The following DLC1 variants were observed in gnomAD, a reference collection of about 807,000 sequenced individuals.
The protein encoded by DLC1 is DLC1 Rho GTPase activating protein, also known as rho GTPase-activating protein 7.
DLC1 carries 54 observed loss-of-function variants against 140.3 expected under a neutral mutation model. That is an observed-to-expected ratio of 0.38 (90% confidence interval 0.31 to 0.48). The LOEUF is 0.48. Among genes scored for constraint, DLC1 ranks in the 20% least tolerant of loss-of-function variants. The probability of loss-of-function intolerance (pLI) is 0.96; values close to 1 mark genes in which losing one functional copy is unlikely to be tolerated. For synonymous variants in DLC1, 986 were observed against 728.1 expected (o/e 1.35, Z -5.70); for missense variants, 2,536 against 1,907.0 (o/e 1.33, Z -6.14).
intron 5 of DLC1, among the ~76,000 whole-genome samples, chr8:13,275,175 A>T (rs1445642913): frequency 6.6e-6 from 1 of 152,226 alleles, no homozygotes; most frequent in African/African-American, 2.4e-5. Context: ...TTTCATGTGC[A>T]TTCAGAACAA....
chr8:13,085,962 A>G (rs1221675956), intron 17 of DLC1, 31 bp from the exon 18 acceptor site: 1 of 1,609,226 alleles, frequency 6.2e-7, no homozygotes, highest in Non-Finnish European at 8.5e-7. Flanking sequence ...AAGCTGATGA[A>G]TTATTTAAGT....
intron 5 of DLC1, among the ~76,000 whole-genome samples, chr8:13,166,984 G>A (rs1377373271): frequency 6.6e-6 from 1 of 152,044 alleles, no homozygotes; most frequent in Non-Finnish European, 1.5e-5. Context: ...TGAAGCAAGC[G>A]GGGTTAGAAA....
chr8:13,381,388 C>T (rs541054978), intron 4 of DLC1, among the ~76,000 whole-genome samples: 122 of 152,310 alleles, frequency 8.0e-4, no homozygotes, highest in Non-Finnish European at 1.5e-3. Flanking sequence ...GGTAGCTAAT[C>T]TGCAATACAT....
At chr8:13,394,766 AT>A (rs1374797339) in intron 3 of DLC1, among the ~76,000 whole-genome samples, 1 of 151,972 alleles carries the variant, frequency 6.6e-6, no homozygotes, top group Non-Finnish European at 1.5e-5. Context: ...CCTCTTGATA[AT>A]TTCTTTTAAT....
intron 5 of DLC1, among the ~76,000 whole-genome samples, chr8:13,145,364 A>G (rs1171434736): frequency 6.6e-6 from 1 of 152,236 alleles, no homozygotes; most frequent in African/African-American, 2.4e-5. Flanking sequence ...CATACAGTGA[A>G]TAAACGTATA....
intron 4 of DLC1, 80 bp downstream of exon 4, chr8:13,393,473 A>G (rs1246291685): frequency 2.8e-6 from 4 of 1,424,154 alleles, no homozygotes; most frequent in East Asian, 2.3e-5. Context: ...TATTTCTTCT[A>G]TATCGAATGA....
At chr8:13,249,795 C>T (rs534550422) in intron 5 of DLC1, among the ~76,000 whole-genome samples, 3 of 152,290 alleles carry the variant, frequency 2.0e-5, no homozygotes, top group Admixed American at 2.0e-4. Context: ...CATCCTTTCC[C>T]ATCCTAAATT....
At chr8:13,098,649 T>C (rs1054975063) in intron 9 of DLC1, 74 bp from the exon 10 acceptor site, 1 of 1,462,872 alleles carries the variant, frequency 6.8e-7, no homozygotes, top group African/African-American at 1.4e-5. Context: ...TTTTTCTTGC[T>C]CTGTTGCCCA....
At chr8:13,188,842 T>C (rs1237700929) in intron 5 of DLC1, among the ~76,000 whole-genome samples, 939 of 30,666 alleles carry the variant, frequency 0.031, 29 homozygotes, top group African/African-American at 0.086. Flanking sequence ...TATATATATA[T>C]ATTTTTTTTT....
In DLC1 at chr8:13,319,247, T is replaced by C. The variant is rs145296896; in HGVS notation, c.1315-13945A>G. 3.6e-3 allele frequency among the ~76,000 whole-genome samples: 556 copies of C among 152,348 alleles called. 5 individuals are homozygous for C. The highest frequency in any genetic ancestry group is 0.017 in the East Asian group (89 of 5,192). On this transcript the variant is annotated intron_variant, in intron 4 of 17. Coordinates refer to ENST00000276297, the MANE Select transcript of DLC1 (RefSeq NM_182643.3). ...TTATTGTAAGCATGTAAAAGACACCTGGTCTTAAACAGAAATTTTGCATTA... is the reference window on the plus strand; with the variant it reads ...TTATTGTAAGCATGTAAAAGACACCCGGTCTTAAACAGAAATTTTGCATTA...
At chr8:13,562,347 T>C (rs12542398) in intron 1 of DLC1, among the ~76,000 whole-genome samples, 101,105 of 151,834 alleles carry the variant, frequency 0.67, 33,797 homozygotes, top group East Asian at 0.72. Flanking sequence ...ATTTCCAACA[T>C]ATGAAGTGAC....
intron 4 of DLC1, among the ~76,000 whole-genome samples, chr8:13,365,551 G>A (rs889947342): frequency 3.3e-5 from 5 of 152,164 alleles, no homozygotes; most frequent in African/African-American, 4.8e-5. Flanking sequence ...TGCATGAGAT[G>A]TTACCAATTT....
chr8:13,153,908 C>A (rs985174100), intron 5 of DLC1, among the ~76,000 whole-genome samples: 11 of 152,252 alleles, frequency 7.2e-5, no homozygotes, highest in Non-Finnish European at 1.2e-4. Flanking sequence ...TTCTCCAAGT[C>A]CCCACTAGAT....
In DLC1 at chr8:13,099,356, C is replaced by T. The variant is rs758498084; in HGVS notation, c.2981G>A (p.Arg994Lys). The T allele has an allele frequency of 5.6e-6, 9 of 1,613,276 alleles. No homozygotes were observed. In the South Asian group the frequency reaches 8.8e-5, roughly 16 times the overall value. The change falls in exon 9 of 18, where the codon AGG becomes AAG. Residue 994 changes from arginine to lysine, a missense_variant. Arg to Lys is a conservative substitution (Grantham distance 26). Coordinates refer to ENST00000276297, the MANE Select transcript of DLC1 (RefSeq NM_182643.3). Reference protein sequence around the residue: ...RDSGVGASLTRSNRHRLRWHS... With the variant: ...RDSGVGASLTKSNRHRLRWHS... ...GGAGAAAAGTTCTTACCTGTTGGAC[C>T]TGGTTAGGGAAGCCCCAACCCCAGA...
chr8:13,331,114 C>G (rs540556911), intron 4 of DLC1, among the ~76,000 whole-genome samples: 1 of 152,184 alleles, frequency 6.6e-6, no homozygotes, highest in African/African-American at 2.4e-5. Context: ...TTCCTGGTCT[C>G]TTATTGCAGC....
chr8:13,154,295 C>T (rs182101382), intron 5 of DLC1, among the ~76,000 whole-genome samples: 33 of 152,332 alleles, frequency 2.2e-4, no homozygotes, highest in South Asian at 8.3e-4. Flanking sequence ...GAGCCCGCTG[C>T]GGTGGGGGCT....
At chr8:13,099,234 G>A in intron 9 of DLC1, 113 bp downstream of exon 9, 3 of 1,483,444 alleles carry the variant, frequency 2.0e-6, no homozygotes, top group Non-Finnish European at 2.7e-6. Context: ...CCTTAGGAAT[G>A]GACATGGCTA....
intron 4 of DLC1, among the ~76,000 whole-genome samples, chr8:13,393,134 G>A (rs541866411): frequency 2.0e-5 from 3 of 151,526 alleles, no homozygotes; most frequent in African/African-American, 7.3e-5. Context: ...CAGTCTATCT[G>A]TCCATCCATC....
chr8:13,199,342 C>A (rs1248906357), intron 5 of DLC1, among the ~76,000 whole-genome samples: 1 of 151,948 alleles, frequency 6.6e-6, no homozygotes, highest in African/African-American at 2.4e-5. Context: ...CACCACCACA[C>A]CTGGCTGATT....
Sources: gnomAD v4.1 joint callset for allele counts (sites outside exome capture counted in the v4.1 genomes callset) on GRCh38, gnomAD v4.1.1 for gene constraint, MANE v1.5 for transcripts, NCBI Gene and HGNC (gene_info 2026-07-23, HGNC 2026-07-21) for gene names.